GSDMC: variants seen among roughly 807,000 people sequenced by gnomAD.
GSDMC encodes gasdermin-C.
In GSDMC, 59 loss-of-function variants were observed where a neutral mutation model predicts 58.0. That is an observed-to-expected ratio of 1.02 (90% CI 0.82 to 1.26). GSDMC has a LOEUF of 1.26. Ranked by LOEUF, GSDMC falls within the 50% of genes most tolerant of loss-of-function variation. The pLI is 0.00. For missense variants in GSDMC, 659 were observed against 598.5 expected (o/e 1.10, Z -1.06); for synonymous variants, 241 against 220.2 (o/e 1.09, Z -0.83).
At chr8:129,736,574 G>A in the GSDMC span, among the ~76,000 whole-genome samples, 9 of 152,200 alleles carry the variant, frequency 5.9e-5, no homozygotes, top group African/African-American at 1.7e-4. Context: ...AAAGGCCTTC[G>A]ACAAAATTCA....
At chr8:129,784,523 G>A (rs987271789) in intron 1 of GSDMC, among the ~76,000 whole-genome samples, 1 of 152,056 alleles carries the variant, frequency 6.6e-6, no homozygotes, top group African/African-American at 2.4e-5. Flanking sequence ...TCAGAAAAAT[G>A]TAAATCAAAA....
chr8:129,708,347 A>G, the GSDMC span, among the ~76,000 whole-genome samples: 7 of 152,368 alleles, frequency 4.6e-5, no homozygotes, highest in Admixed American at 3.9e-4. Flanking sequence ...TTGGTTGCTT[A>G]TGGGAGCTGC....
chr8:129,748,813 C>T, intron 13 of GSDMC, 73 bp from the exon 14 acceptor site: 2 of 1,286,984 alleles, frequency 1.6e-6, no homozygotes, highest in Non-Finnish European at 2.1e-6. Context: ...CCCCAGTATC[C>T]AGGGGCCATG....
the GSDMC span, among the ~76,000 whole-genome samples, chr8:129,717,055 C>T: frequency 6.6e-6 from 1 of 152,080 alleles, no homozygotes; most frequent in African/African-American, 2.4e-5. Context: ...TGATGTTCTT[C>T]AGGGATATTG....
At chr8:129,707,479 T>C in the GSDMC span, among the ~76,000 whole-genome samples, 7 of 152,200 alleles carry the variant, frequency 4.6e-5, no homozygotes, top group Admixed American at 2.0e-4. Flanking sequence ...GTAAGTACCA[T>C]TAATTTTACT....
At chr8:129,739,033 A>G in the GSDMC span, among the ~76,000 whole-genome samples, 3 of 135,378 alleles carry the variant, frequency 2.2e-5, no homozygotes, top group East Asian at 2.3e-4. Context: ...AAAGTAAAGA[A>G]AAAAGAGTTT....
At chr8:129,710,246 A>C in the GSDMC span, among the ~76,000 whole-genome samples, 1 of 152,184 alleles carries the variant, frequency 6.6e-6, no homozygotes, top group Non-Finnish European at 1.5e-5. Flanking sequence ...TGTATACAAC[A>C]CTCAAAGAAA....
Position 129,752,836 on chromosome 8 carries a change from G to A in GSDMC, c.722-16C>T. ...ATTTCGTACTCTTGGGAGAGAGGGAGAGCAGAATGACTGGGTAACTTTACA... is the reference window on the plus strand; with the variant it reads ...ATTTCGTACTCTTGGGAGAGAGGGAAAGCAGAATGACTGGGTAACTTTACA... On this transcript the variant is annotated splice_polypyrimidine_tract_variant and intron_variant, in intron 6 of 13. Coordinates refer to ENST00000276708, the MANE Select transcript of GSDMC (RefSeq NM_031415.3). 6.2e-7 allele frequency: 1 copy of A among 1,614,060 alleles called. No individual in the cohort carries two copies. The highest frequency in any genetic ancestry group is 8.5e-7 in the Non-Finnish European group (1 of 1,179,946).
chr8:129,730,952 A>C, the GSDMC span, among the ~76,000 whole-genome samples: 1 of 152,212 alleles, frequency 6.6e-6, no homozygotes, highest in Non-Finnish European at 1.5e-5. Context: ...AAGGAAAATC[A>C]TCCTTTGTCC....
At position 129,749,432 on chromosome 8, in the gene GSDMC, G is replaced by C. The variant is rs780328154; in HGVS notation, c.1287+20C>G. On this transcript the variant is annotated intron_variant, in intron 13 of 13. Coordinates refer to ENST00000276708, the MANE Select transcript of GSDMC (RefSeq NM_031415.3). ...CCCTCACCCTCTTCCCTGAACTTCT[G>C]GCCCCTGGGAAGTTCTCACCAGCTC... is the stretch of plus-strand genomic sequence containing the variant. 2 of 1,552,742 alleles carry C rather than the reference G, an allele frequency of 1.3e-6. No homozygotes were observed. The highest frequency in any genetic ancestry group is 1.1e-5 in the South Asian group (1 of 89,858).
intron 1 of GSDMC, among the ~76,000 whole-genome samples, chr8:129,784,688 T>G (rs1467665766): frequency 6.6e-6 from 1 of 152,208 alleles, no homozygotes; most frequent in Non-Finnish European, 1.5e-5. Context: ...AGTTTGGACC[T>G]TCCTCAAAAA....
Position 129,776,116 on chromosome 8 carries a change from T to C in GSDMC, c.390A>G (p.Glu130=), listed in dbSNP as rs113888841. ...CATGGCCTCACCTTTTTTGAAAGTC[T>C]TCCAGGTTTGGTGATGGGATGGTAA... The part of the protein sequence containing the change: ...QIVTIPSPNL[E]DFQKRKLLDP... Residue 130 remains glutamate, a synonymous_variant, in exon 3 of 14, where the codon GAA becomes GAG. Transcript: ENST00000276708. 1 of 1,613,532 alleles carries C rather than the reference T, an allele frequency of 6.2e-7. No homozygotes were observed.
chr8:129,733,994 G>A, the GSDMC span, among the ~76,000 whole-genome samples: 5 of 152,198 alleles, frequency 3.3e-5, no homozygotes, highest in Non-Finnish European at 5.9e-5. Context: ...ACCTGATGGA[G>A]CTGAAAACCA....
At chr8:129,716,104 C>A in the GSDMC span, among the ~76,000 whole-genome samples, 1 of 152,072 alleles carries the variant, frequency 6.6e-6, no homozygotes, top group African/African-American at 2.4e-5. Flanking sequence ...AAGGAAACAA[C>A]ATATGGGCAA....
the GSDMC span, among the ~76,000 whole-genome samples, chr8:129,739,933 A>T: frequency 6.6e-6 from 1 of 152,156 alleles, no homozygotes; most frequent in Non-Finnish European, 1.5e-5. Context: ...GTCCCTGAAG[A>T]CCTTCCAGTG....
chr8:129,765,492 A>G, intron 4 of GSDMC, 136 bp downstream of exon 4: 1 of 710,274 alleles, frequency 1.4e-6, no homozygotes, highest in Non-Finnish European at 2.5e-6. Flanking sequence ...ATCAACATGT[A>G]AGAAGGGGGA....
At chr8:129,750,673 T>C in intron 10 of GSDMC, 103 bp from the exon 11 acceptor site, 1 of 1,185,524 alleles carries the variant, frequency 8.4e-7, no homozygotes, top group Non-Finnish European at 1.2e-6. Flanking sequence ...CAAACTCCTC[T>C]ATCCCTTTCA....
At chr8:129,714,718 G>C in the GSDMC span, among the ~76,000 whole-genome samples, 1 of 151,360 alleles carries the variant, frequency 6.6e-6, no homozygotes, top group African/African-American at 2.4e-5. Context: ...TCAGATGAAA[G>C]ATGGCTAAGA....
chr8:129,761,200 T>C (rs2033648148), intron 5 of GSDMC, among the ~76,000 whole-genome samples: 1 of 151,970 alleles, frequency 6.6e-6, no homozygotes, highest in African/African-American at 2.4e-5. Flanking sequence ...ATGCAAGGAG[T>C]GGAGATACAT....
Sources: allele counts gnomAD v4.1 joint callset (sites outside exome capture counted in the v4.1 genomes callset), GRCh38; gene constraint gnomAD v4.1.1; transcripts MANE v1.5; gene names NCBI Gene and HGNC (gene_info 2026-07-23, HGNC 2026-07-21).